Variants in PREPL observed in about 807,000 individuals in gnomAD.
The protein encoded by PREPL is prolyl endopeptidase-like.
Under a neutral mutation model 70.6 loss-of-function variants are expected in PREPL, and 77 were observed. That is an observed-to-expected ratio of 1.09 (90% CI 0.91 to 1.32). The LOEUF (loss-of-function observed/expected upper bound fraction) is 1.32, where lower values mean the gene tolerates loss of function less well. PREPL is among the 40% of genes most tolerant of loss of function. The pLI, the probability that PREPL is intolerant of heterozygous loss-of-function variation, is 0.00. For synonymous variants in PREPL, 315 were observed against 264.8 expected (o/e 1.19, Z -1.84); for missense variants, 1,002 against 778.2 (o/e 1.29, Z -3.42).
chr2:44,341,424 A>G (rs1030866871), intron 5 of PREPL, among the ~76,000 whole-genome samples: 4 of 152,090 alleles, frequency 2.6e-5, no homozygotes, highest in Admixed American at 1.3e-4. Flanking sequence ...GCTTTAATAT[A>G]TAATTGTAGG....
At chr2:44,334,656 C>T (rs569301541) in intron 7 of PREPL, among the ~76,000 whole-genome samples, 304 of 152,314 alleles carry the variant, frequency 2.0e-3, no homozygotes, top group African/African-American at 7.1e-3. Context: ...AGTGACTCTC[C>T]TGCCTCAGCC....
chr2:44,323,030 A>G (rs928342550), intron 11 of PREPL, among the ~76,000 whole-genome samples, 176 bp from the exon 12 acceptor site: 1 of 152,178 alleles, frequency 6.6e-6, no homozygotes, highest in African/African-American at 2.4e-5. Context: ...GTTATCTGGA[A>G]TAGCCTTTTC....
intron 9 of PREPL, among the ~76,000 whole-genome samples, chr2:44,327,283 A>G (rs1673607278): frequency 2.0e-5 from 3 of 152,164 alleles, no homozygotes; most frequent in Admixed American, 2.0e-4. Flanking sequence ...AGAAGACAGT[A>G]ATTTTGTGGG....
chr2:44,361,770 G>A (rs1229670820), upstream of PREPL: 2 of 606,436 alleles, frequency 3.3e-6, no homozygotes, highest in Middle Eastern at 4.9e-4. Flanking sequence ...CTCATCCTCT[G>A]GTCCGCCCTC....
At chr2:44,350,670 T>C (rs1676320512) in intron 1 of PREPL, among the ~76,000 whole-genome samples, 1 of 152,198 alleles carries the variant, frequency 6.6e-6, no homozygotes, top group Non-Finnish European at 1.5e-5. Context: ...TTTCATCTTC[T>C]GCCTCCAATT....
rs139162655 is a variant in PREPL at position 44,329,975 on chromosome 2, A to C, written c.1087-863T>G. On this transcript the variant is annotated intron_variant, in intron 8 of 13. Transcript: ENST00000409411. ...CATCCAAGTCACTCTTCATATTTTC[A>C]TTCTCATTTTGAAAACTTCACTTTG... Among the ~76,000 whole-genome samples the C allele has an allele frequency of 3.5e-3, 528 of 152,344 alleles. 1 individual carries two copies. Among genetic ancestry groups the C allele is most frequent in the African/African-American group, 0.012 (498 of 41,574 alleles).
At chr2:44,344,392 C>A in intron 3 of PREPL, 128 bp downstream of exon 3, 1 of 732,242 alleles carries the variant, frequency 1.4e-6, no homozygotes, top group African/African-American at 1.8e-5. Flanking sequence ...AAAAACTAGT[C>A]ATTAAAAAAA....
intron 7 of PREPL, among the ~76,000 whole-genome samples, chr2:44,337,933 T>C (rs1674801412): frequency 6.6e-6 from 1 of 152,212 alleles, no homozygotes; most frequent in South Asian, 2.1e-4. Flanking sequence ...AAGCATGTAG[T>C]GGCTAAAAAC....
At chr2:44,341,140 G>A (rs1675178682) in intron 5 of PREPL, among the ~76,000 whole-genome samples, 1 of 152,036 alleles carries the variant, frequency 6.6e-6, no homozygotes, top group African/African-American at 2.4e-5. Flanking sequence ...TGACTAAAAA[G>A]CTTATATTTT....
intron 1 of PREPL, chr2:44,360,577 A>C (rs1165923076): frequency 6.6e-6 from 1 of 152,236 alleles, no homozygotes; most frequent in Non-Finnish European, 1.5e-5. Context: ...GGTAGCTTTT[A>C]TTAACCTTGA....
At chr2:44,361,806 G>T, upstream of PREPL, 2 of 999,250 alleles carry the variant, frequency 2.0e-6, no homozygotes, top group East Asian at 3.3e-5. Flanking sequence ...CAGCAAGAAT[G>T]GTGCAATGGC....
intron 7 of PREPL, among the ~76,000 whole-genome samples, chr2:44,336,342 T>C (rs1368648195): frequency 6.6e-6 from 1 of 152,152 alleles, no homozygotes; most frequent in South Asian, 2.1e-4. Context: ...ATATATACCA[T>C]AGAATACTAC....
intron 1 of PREPL, among the ~76,000 whole-genome samples, chr2:44,357,069 G>A (rs1036543609): frequency 6.6e-6 from 1 of 152,194 alleles, no homozygotes. Flanking sequence ...GCCTCCCAAT[G>A]TTCTGGGATT....
In PREPL at chr2:44,318,046, TAGAAATATTTG is replaced by T; in HGVS notation, c.*3299_*3309del. Reference sequence around the variant, plus strand: ...ACCTAATAATTCCATTCCTAATACTTAGAAATATTTGCACATGTGCACAATAATACTTAAAG... The same window carrying T: ...ACCTAATAATTCCATTCCTAATACTTCACATGTGCACAATAATACTTAAAG... On this transcript the variant is annotated 3_prime_UTR_variant, in exon 14 of 14. Transcript: ENST00000409411. 2.4e-6 allele frequency: 1 copy of T among 424,394 alleles called. No individual in the cohort carries two copies. Among genetic ancestry groups the T allele is most frequent in the Admixed American group, 2.7e-5 (1 of 36,500 alleles). 26.3% of individuals were successfully genotyped at this position (424,394 alleles called of 1,614,324 possible).
intron 7 of PREPL, among the ~76,000 whole-genome samples, chr2:44,336,111 G>A (rs767783735): frequency 6.6e-6 from 1 of 152,172 alleles, no homozygotes; most frequent in African/African-American, 2.4e-5. Flanking sequence ...TAGTGGAAAT[G>A]TAAGTTCAGC....
chr2:44,322,626 C>T, intron 12 of PREPL, 105 bp downstream of exon 12: 1 of 1,412,974 alleles, frequency 7.1e-7, no homozygotes, highest in African/African-American at 1.4e-5. Flanking sequence ...TGCCCTAAAT[C>T]CTGGGCAGAT....
intron 1 of PREPL, among the ~76,000 whole-genome samples, chr2:44,353,401 A>G (rs984588643): frequency 2.0e-5 from 3 of 152,036 alleles, no homozygotes; most frequent in Non-Finnish European, 2.9e-5. Flanking sequence ...CCTGGCCAAC[A>G]TGGTGAAACC....
chr2:44,327,970 G>T (rs1022703287), intron 9 of PREPL, among the ~76,000 whole-genome samples: 11 of 150,136 alleles, frequency 7.3e-5, no homozygotes, highest in Admixed American at 4.6e-4. Flanking sequence ...GGCAACATTG[G>T]AAAACCCTGT....
intron 1 of PREPL, among the ~76,000 whole-genome samples, chr2:44,351,317 G>A (rs1362138047): frequency 6.6e-6 from 1 of 151,808 alleles, no homozygotes; most frequent in African/African-American, 2.4e-5. Flanking sequence ...AATTCCCTTG[G>A]TGATCTCATC....
Sources: gnomAD v4.1 joint callset for allele counts (sites outside exome capture counted in the v4.1 genomes callset) on GRCh38, gnomAD v4.1.1 for gene constraint, MANE v1.5 for transcripts, NCBI Gene and HGNC (gene_info 2026-07-23, HGNC 2026-07-21) for gene names.